The following AUTS2 variants were observed in gnomAD, a reference collection of about 807,000 sequenced individuals.
The protein encoded by AUTS2 is autism susceptibility gene 2 protein.
Under a neutral mutation model 112.4 loss-of-function variants are expected in AUTS2, and 17 were observed. That is an observed-to-expected ratio of 0.15 (90% CI 0.10 to 0.23). AUTS2 has a LOEUF of 0.23. Ranked by LOEUF, AUTS2 falls within the 10% of genes least tolerant of loss-of-function variation. The probability of loss-of-function intolerance (pLI) is 1.00; values close to 1 mark genes in which losing one functional copy is unlikely to be tolerated. For missense variants in AUTS2, 1,510 were observed against 1,701.6 expected (o/e 0.89, Z 1.98); for synonymous variants, 751 against 702.7 (o/e 1.07, Z -1.09).
chr7:70,609,243 A>G, intron 5 of AUTS2, among the ~76,000 whole-genome samples: 1 of 151,958 alleles, frequency 6.6e-6, no homozygotes, highest in Non-Finnish European at 1.5e-5. Flanking sequence ...CCTGGTAACC[A>G]CCATTCGACT....
intron 2 of AUTS2, among the ~76,000 whole-genome samples, chr7:69,996,222 T>C (rs1450231988): frequency 6.6e-6 from 1 of 152,144 alleles, no homozygotes; most frequent in Non-Finnish European, 1.5e-5. Context: ...CTTCATAAAT[T>C]TGCAAAACAC....
chr7:70,041,037 A>G (rs909751869), intron 2 of AUTS2, among the ~76,000 whole-genome samples: 16 of 152,204 alleles, frequency 1.1e-4, no homozygotes, highest in Admixed American at 3.3e-4. Context: ...TAGAGTGACC[A>G]ATGAGAAAAT....
At chr7:70,322,293 A>T (rs988458725) in intron 4 of AUTS2, among the ~76,000 whole-genome samples, 3 of 152,222 alleles carry the variant, frequency 2.0e-5, no homozygotes, top group African/African-American at 7.2e-5. Flanking sequence ...TGAATTGGTC[A>T]ACTGCTACAT....
chr7:69,817,864 C>A (rs910556717), intron 1 of AUTS2, among the ~76,000 whole-genome samples: 2 of 152,128 alleles, frequency 1.3e-5, no homozygotes, highest in Non-Finnish European at 2.9e-5. Context: ...TGCAAAGCTA[C>A]CTAATAATAT....
intron 2 of AUTS2, among the ~76,000 whole-genome samples, chr7:70,065,279 C>A (rs2129561459): frequency 6.6e-6 from 1 of 152,238 alleles, no homozygotes; most frequent in South Asian, 2.1e-4. Context: ...ATGGCCAAAC[C>A]AGTGCATTAC....
At chr7:69,626,988 G>T (rs1411845649) in intron 1 of AUTS2, among the ~76,000 whole-genome samples, 1 of 152,198 alleles carries the variant, frequency 6.6e-6, no homozygotes, top group Non-Finnish European at 1.5e-5. Context: ...ACCCCCAAAT[G>T]CAGGTTAATA....
At chr7:69,994,063 AT>A (rs1798847905) in intron 2 of AUTS2, among the ~76,000 whole-genome samples, 1 of 151,992 alleles carries the variant, frequency 6.6e-6, no homozygotes, top group Non-Finnish European at 1.5e-5. Flanking sequence ...TAAGAAAAGA[AT>A]TAAGAGATAT....
chr7:70,566,965 TC>T (rs1801735427), intron 5 of AUTS2, among the ~76,000 whole-genome samples: 1 of 152,238 alleles, frequency 6.6e-6, no homozygotes, highest in South Asian at 2.1e-4. Context: ...CTGAGGCCTC[TC>T]ATGCATGATT....
intron 5 of AUTS2, among the ~76,000 whole-genome samples, chr7:70,581,855 T>C (rs1294656910): frequency 1.3e-5 from 2 of 152,230 alleles, no homozygotes; most frequent in Non-Finnish European, 2.9e-5. Flanking sequence ...ACATTTTGTA[T>C]TGTTCACACA....
chr7:70,249,945 T>C (rs892801316), intron 4 of AUTS2, among the ~76,000 whole-genome samples: 3 of 150,154 alleles, frequency 2.0e-5, no homozygotes, highest in Admixed American at 1.3e-4. Flanking sequence ...ATTTTTTACT[T>C]AAAACATTAA....
intron 2 of AUTS2, among the ~76,000 whole-genome samples, chr7:70,066,100 A>G (rs530588691): frequency 1.3e-5 from 2 of 152,334 alleles, no homozygotes; most frequent in South Asian, 4.1e-4. Context: ...TGCTACAATA[A>G]TAAGAAATTA....
At chr7:70,618,846 G>A (rs1002093018) in intron 5 of AUTS2, among the ~76,000 whole-genome samples, 3 of 152,194 alleles carry the variant, frequency 2.0e-5, no homozygotes, top group Non-Finnish European at 4.4e-5. Flanking sequence ...CCTGTGTTTT[G>A]TTAGAACATT....
intron 2 of AUTS2, among the ~76,000 whole-genome samples, chr7:70,032,795 A>G (rs999363289): frequency 6.6e-6 from 1 of 151,986 alleles, no homozygotes; most frequent in African/African-American, 2.4e-5. Flanking sequence ...CTTCCCTGTA[A>G]TTATGCTATG....
chr7:70,480,659 G>T (rs1562981703), intron 5 of AUTS2, among the ~76,000 whole-genome samples: 1 of 152,180 alleles, frequency 6.6e-6, no homozygotes, highest in Admixed American at 6.5e-5. Flanking sequence ...GCCCTGTTCT[G>T]TGCTGGATCC....
intron 5 of AUTS2, among the ~76,000 whole-genome samples, chr7:70,609,959 TTTGTTG>T (rs200432278): frequency 0.016 from 1,980 of 122,950 alleles, 39 homozygotes; most frequent in African/African-American, 0.047. Flanking sequence ...AGTTCTGTTT[TTTGTTG>T]TTGTTGTTGT....
At chr7:70,321,187 T>C (rs879835439) in intron 4 of AUTS2, among the ~76,000 whole-genome samples, 8 of 152,194 alleles carry the variant, frequency 5.3e-5, no homozygotes, top group Admixed American at 2.0e-4. Flanking sequence ...GTCACCCAGC[T>C]AGTAAAAGGT....
chr7:69,938,389 C>T (rs752564933), intron 2 of AUTS2, among the ~76,000 whole-genome samples: 19 of 152,174 alleles, frequency 1.2e-4, no homozygotes, highest in Non-Finnish European at 2.1e-4. Context: ...ATATGGATCT[C>T]TACTTATTTT....
chr7:70,404,220 G>C (rs1299853860), intron 4 of AUTS2, among the ~76,000 whole-genome samples: 13 of 152,140 alleles, frequency 8.5e-5, no homozygotes, highest in African/African-American at 3.1e-4. Context: ...CATGAGTTAA[G>C]AGATCTATCT....
intron 1 of AUTS2, among the ~76,000 whole-genome samples, chr7:69,723,214 G>A (rs1799059732): frequency 6.6e-6 from 1 of 152,010 alleles, no homozygotes; most frequent in Admixed American, 6.6e-5. Context: ...TAGCAGAATC[G>A]TGGTCTTGTG....
Sources: allele counts gnomAD v4.1 joint callset (sites outside exome capture counted in the v4.1 genomes callset), GRCh38; gene constraint gnomAD v4.1.1; transcripts MANE v1.5; gene names NCBI Gene and HGNC (gene_info 2026-07-23, HGNC 2026-07-21).